NGEF: variants seen among roughly 807,000 people sequenced by gnomAD.
NGEF encodes the protein ephexin-1.
In NGEF, 31 loss-of-function variants were observed where a neutral mutation model predicts 80.9. The observed-to-expected ratio is 0.38, with a 90% confidence interval of 0.29 to 0.52. The LOEUF is 0.52. Ranked by LOEUF, NGEF falls within the 20% of genes least tolerant of loss-of-function variation. NGEF has a pLI of 0.84. For missense variants in NGEF, 709 were observed against 926.2 expected, an observed-to-expected ratio of 0.77 and a Z score of 3.04; for synonymous variants, 371 against 370.2, an observed-to-expected ratio of 1.00 and a Z score of -0.03.
chr2:232,940,854 T>G (rs1162639466), intron 3 of NGEF, among the ~76,000 whole-genome samples: 1 of 149,850 alleles, frequency 6.7e-6, no homozygotes, highest in Non-Finnish European at 1.5e-5. Flanking sequence ...TTGTTGCTGG[T>G]TGGTTGGATT....
chr2:233,000,691 C>T (rs1574664131), intron 1 of NGEF, among the ~76,000 whole-genome samples: 1 of 150,088 alleles, frequency 6.7e-6, no homozygotes, highest in Non-Finnish European at 1.5e-5. Context: ...ACCTGGGAGG[C>T]GGAGCTTGCA....
At position 232,978,790 on chromosome 2, in the gene NGEF, G is replaced by C. The variant is rs541669724; in HGVS notation, c.-74-3826C>G. ...GCTGGAGAGCAGTGGTGCAGTAGAG[G>C]CTCATCCGTGGCTCACTGCAGCCTC... On this transcript the variant is annotated intron_variant, in intron 1 of 14. Coordinates refer to ENST00000264051, the MANE Select transcript of NGEF (RefSeq NM_019850.3). Among the ~76,000 whole-genome samples, 20 of 152,288 alleles carry C rather than the reference G, an allele frequency of 1.3e-4. No homozygotes were observed. The South Asian group carries it at 4.1e-3, about 32-fold the overall frequency.
intron 5 of NGEF, among the ~76,000 whole-genome samples, chr2:232,909,372 C>G (rs544983403): frequency 2.6e-5 from 4 of 152,192 alleles, no homozygotes; most frequent in African/African-American, 9.6e-5. Context: ...TTAATTCATC[C>G]TTGCTTAATG....
chr2:232,928,059 T>G, intron 3 of NGEF: 1 of 1,157,002 alleles, frequency 8.6e-7, no homozygotes, highest in Non-Finnish European at 1.1e-6. Context: ...GGCCCTGGGC[T>G]GGGTCGGGGG....
At chr2:233,005,187 A>T (rs1419320411) in intron 1 of NGEF, among the ~76,000 whole-genome samples, 1 of 152,194 alleles carries the variant, frequency 6.6e-6, no homozygotes, top group Non-Finnish European at 1.5e-5. Context: ...TTTCTGGGAT[A>T]CTGACTGGTA....
At chr2:232,927,866 G>C (rs2106284771) in intron 3 of NGEF, 1 of 1,252,606 alleles carries the variant, frequency 8.0e-7, no homozygotes, top group East Asian at 3.3e-5. Flanking sequence ...GCGGCGCGCC[G>C]GGGCCGGGAC....
intron 1 of NGEF, among the ~76,000 whole-genome samples, chr2:232,982,975 G>C (rs925612224): frequency 6.6e-6 from 1 of 152,236 alleles, no homozygotes; most frequent in Admixed American, 6.5e-5. Flanking sequence ...GTCCGAGGAA[G>C]ACCTGCATGG....
Position 232,948,146 on chromosome 2 carries a change from G to GAT in NGEF, c.384-20962_384-20961dup, listed in dbSNP as rs1263194671. ...TGGGGTCATTTGAATATAGCCTGGA[G>GAT]ATGTGTGTGTGTGTGTGTGTGTGTG... On this transcript the variant is annotated intron_variant, in intron 3 of 14. Coordinates refer to ENST00000264051, the MANE Select transcript of NGEF (RefSeq NM_019850.3). 1.6e-3 allele frequency among the ~76,000 whole-genome samples: 123 copies of GAT among 78,534 alleles called. 1 individual carries two copies. The highest frequency in any genetic ancestry group is 6.2e-3 in the African/African-American group (99 of 15,926). The allele number at this position is 78,534 out of a possible 152,430, so 51.5% of individuals were successfully genotyped here. A position where few individuals can be genotyped will look rare whatever the true frequency, so the allele number is the denominator to read the frequency against.
intron 2 of NGEF, among the ~76,000 whole-genome samples, chr2:232,971,109 AT>A (rs1694175024): frequency 6.6e-6 from 1 of 152,170 alleles, no homozygotes; most frequent in Non-Finnish European, 1.5e-5. Flanking sequence ...ATCTGCTGTG[AT>A]TTTGAAGGGG....
At chr2:232,929,035 G>C (rs942227373) in intron 3 of NGEF, among the ~76,000 whole-genome samples, 1 of 152,190 alleles carries the variant, frequency 6.6e-6, no homozygotes, top group Admixed American at 6.5e-5. Context: ...CCCTCGCGAA[G>C]GCCCCTGGCG....
chr2:232,965,514 A>G (rs1694039747), intron 3 of NGEF, among the ~76,000 whole-genome samples: 1 of 152,170 alleles, frequency 6.6e-6, no homozygotes, highest in Non-Finnish European at 1.5e-5. Context: ...AGAAGCCGGG[A>G]GCAAATGACA....
At position 232,991,089 on chromosome 2, in the gene NGEF, C is replaced by T. The variant is rs768463357; in HGVS notation, c.-74-16125G>A. Among the ~76,000 whole-genome samples, 128 of 152,058 alleles carry T rather than the reference C, an allele frequency of 8.4e-4. 1 individual carries two copies. Among genetic ancestry groups the T allele is most frequent in the Non-Finnish European group, 1.8e-3 (122 of 67,928 alleles). ...AGGTATAGAAGAAAATTTTCTCAAA[C>T]CTGATGAAGGGCATCTATGAAAACT... On this transcript the variant is annotated intron_variant, in intron 1 of 14. Coordinates refer to ENST00000264051, the MANE Select transcript of NGEF (RefSeq NM_019850.3).
At chr2:232,938,071 G>T (rs1031489526) in intron 3 of NGEF, among the ~76,000 whole-genome samples, 1 of 152,164 alleles carries the variant, frequency 6.6e-6, no homozygotes, top group Non-Finnish European at 1.5e-5. Context: ...AGAAGAGATG[G>T]TAGCACTGCA....
intron 1 of NGEF, among the ~76,000 whole-genome samples, chr2:233,003,336 C>T (rs1181803784): frequency 1.3e-5 from 2 of 152,220 alleles, no homozygotes; most frequent in African/African-American, 4.8e-5. Context: ...CTCTTTCCCT[C>T]TGATGTCGAT....
chr2:232,973,074 A>C lies in NGEF; in HGVS notation c.268+1549T>G, dbSNP rs185084330. Among the ~76,000 whole-genome samples the C allele has an allele frequency of 1.1e-4, 17 of 152,056 alleles. No individual in the cohort carries two copies. In the East Asian group the frequency reaches 3.3e-3, roughly 30 times the overall value. On this transcript the variant is annotated intron_variant, in intron 2 of 14. Transcript: ENST00000264051. ...ACCCGGCCGTCCTTACCCATTTGTC[A>C]AGACTCATCTGAAATATCATCTTCT...
At chr2:232,895,016 G>A (rs1692013134) in intron 5 of NGEF, 100 bp from the exon 6 acceptor site, 8 of 1,361,666 alleles carry the variant, frequency 5.9e-6, no homozygotes, top group Admixed American at 2.1e-5. Context: ...TCAGCAGGGA[G>A]TTGAAAGGGA....
At chr2:233,010,231 G>C (rs994038848) in intron 1 of NGEF, among the ~76,000 whole-genome samples, 1 of 151,920 alleles carries the variant, frequency 6.6e-6, no homozygotes, top group African/African-American at 2.4e-5. Flanking sequence ...CCCTGTCTCT[G>C]CCTCCACTGG....
At chr2:232,907,550 A>G (rs1692594628) in intron 5 of NGEF, among the ~76,000 whole-genome samples, 1 of 152,224 alleles carries the variant, frequency 6.6e-6, no homozygotes, top group Non-Finnish European at 1.5e-5. Flanking sequence ...AAAAAATCAG[A>G]GTGACACACT....
intron 1 of NGEF, among the ~76,000 whole-genome samples, chr2:232,993,768 A>G (rs1694721668): frequency 6.6e-6 from 1 of 152,224 alleles, no homozygotes; most frequent in Non-Finnish European, 1.5e-5. Flanking sequence ...ACGCTACAAC[A>G]TGAAGGAGGC....
Sources: gnomAD v4.1 joint callset for allele counts (sites outside exome capture counted in the v4.1 genomes callset) on GRCh38, gnomAD v4.1.1 for gene constraint, MANE v1.5 for transcripts, NCBI Gene and HGNC (gene_info 2026-07-23, HGNC 2026-07-21) for gene names.